The following DPYD variants were observed in gnomAD, a reference collection of about 807,000 sequenced individuals.
The protein encoded by DPYD is dihydropyrimidine dehydrogenase, also known as dihydropyrimidine dehydrogenase [NADP(+)].
A neutral mutation model predicts 116.2 loss-of-function variants in DPYD; 109 were observed. That is an observed-to-expected ratio of 0.94 (90% CI 0.80 to 1.10). The LOEUF (loss-of-function observed/expected upper bound fraction) is 1.10, where lower values mean the gene tolerates loss of function less well. Among genes scored for constraint, DPYD ranks in the 50% least tolerant of loss-of-function variants. The pLI, the probability that DPYD is intolerant of heterozygous loss-of-function variation, is 0.00. For synonymous variants in DPYD, 440 were observed against 432.0 expected (o/e 1.02, Z -0.23); for missense variants, 1,302 against 1,254.5 (o/e 1.04, Z -0.57).
At chr1:97,506,204 G>A (rs1293339445) in intron 13 of DPYD, among the ~76,000 whole-genome samples, 5 of 151,908 alleles carry the variant, frequency 3.3e-5, no homozygotes, top group Non-Finnish European at 7.4e-5. Flanking sequence ...AAATCTGACA[G>A]TAAGGTAATC....
intron 8 of DPYD, among the ~76,000 whole-genome samples, chr1:97,603,600 T>C (rs954315952): frequency 1.3e-5 from 2 of 152,068 alleles, no homozygotes; most frequent in Non-Finnish European, 2.9e-5. Context: ...AAATGTAATA[T>C]CAAAAGTATT....
intron 8 of DPYD, among the ~76,000 whole-genome samples, chr1:97,598,945 T>C (rs1655066692): frequency 6.6e-6 from 1 of 152,164 alleles, no homozygotes; most frequent in Non-Finnish European, 1.5e-5. Context: ...CTTTTTCATG[T>C]TTAAGGTTAT....
intron 20 of DPYD, among the ~76,000 whole-genome samples, chr1:97,124,097 G>A (rs1652654980): frequency 6.6e-6 from 1 of 152,112 alleles, no homozygotes; most frequent in African/African-American, 2.4e-5. Context: ...TTGCGTGAAA[G>A]TCACTGATTA....
intron 18 of DPYD, among the ~76,000 whole-genome samples, chr1:97,295,098 A>G (rs1054458061): frequency 2.6e-5 from 4 of 152,178 alleles, no homozygotes; most frequent in African/African-American, 9.6e-5. Context: ...AACCCAGACT[A>G]TGACATATCC....
intron 3 of DPYD, among the ~76,000 whole-genome samples, chr1:97,753,822 T>TA (rs1178482362): frequency 6.6e-6 from 1 of 151,892 alleles, no homozygotes; most frequent in Non-Finnish European, 1.5e-5. Flanking sequence ...ATAGATACAA[T>TA]AAAAATATAT....
At chr1:97,338,706 G>A (rs1052860774) in intron 16 of DPYD, among the ~76,000 whole-genome samples, 4 of 152,140 alleles carry the variant, frequency 2.6e-5, no homozygotes, top group African/African-American at 9.7e-5. Context: ...CCAGTGAAGA[G>A]GTTCTGGTAT....
intron 8 of DPYD, among the ~76,000 whole-genome samples, chr1:97,654,256 T>G (rs1658764640): frequency 6.6e-6 from 1 of 152,188 alleles, no homozygotes; most frequent in South Asian, 2.1e-4. Context: ...AAATTAACCC[T>G]GAGATTTTTT....
intron 12 of DPYD, chr1:97,546,304 CCA>C (rs1305737452): frequency 4.9e-6 from 7 of 1,432,252 alleles, no homozygotes; most frequent in African/African-American, 1.4e-5. Context: ...TGTGCTATTA[CCA>C]CAGTCAAAGC....
Position 97,105,433 on chromosome 1 carries a change from G to A in DPYD, c.2623-6801C>T, listed in dbSNP as rs374169595. Among the ~76,000 whole-genome samples, 16 of 152,140 alleles carry A rather than the reference G, an allele frequency of 1.1e-4. 1 individual carries two copies. In the South Asian group the frequency reaches 1.9e-3, roughly 18 times the overall value. ...GCTCCAATCTAAATCCTCCTCCATA[G>A]TCTTTATCTAAGAACATCTGCTACA... On this transcript the variant is annotated intron_variant, in intron 20 of 22. Coordinates refer to ENST00000370192, the MANE Select transcript of DPYD (RefSeq NM_000110.4).
intron 2 of DPYD, among the ~76,000 whole-genome samples, chr1:97,840,727 G>C (rs1669996887): frequency 2.0e-5 from 3 of 152,026 alleles, no homozygotes; most frequent in African/African-American, 7.2e-5. Context: ...GGATTTCACT[G>C]CATCTAGGCC....
At chr1:97,129,073 T>C (rs867584268) in intron 20 of DPYD, among the ~76,000 whole-genome samples, 1 of 145,022 alleles carries the variant, frequency 6.9e-6, no homozygotes, top group South Asian at 2.2e-4. Flanking sequence ...TGTATTCTTT[T>C]TTTTTTTTTT....
intron 3 of DPYD, 137 bp from the exon 4 acceptor site, chr1:97,740,616 GC>G: frequency 1.3e-6 from 1 of 749,088 alleles, no homozygotes; most frequent in South Asian, 1.6e-5. Context: ...ACATTTTTAA[GC>G]AATAAATACA....
chr1:97,881,267 C>T (rs1672204922), intron 2 of DPYD, among the ~76,000 whole-genome samples: 1 of 151,928 alleles, frequency 6.6e-6, no homozygotes, highest in Non-Finnish European at 1.5e-5. Context: ...TATTTGGACA[C>T]ACGCACACCC....
chr1:97,483,956 T>C (rs945335299), intron 13 of DPYD, among the ~76,000 whole-genome samples: 1 of 152,196 alleles, frequency 6.6e-6, no homozygotes, highest in African/African-American at 2.4e-5. Flanking sequence ...ACAAAGTGAA[T>C]GAACTAAGAC....
intron 7 of DPYD, among the ~76,000 whole-genome samples, chr1:97,682,963 G>C (rs896748920): frequency 6.6e-6 from 1 of 151,950 alleles, no homozygotes; most frequent in Non-Finnish European, 1.5e-5. Context: ...TAGTCTCTTA[G>C]GGATTTGATG....
At chr1:97,668,956 T>C (rs1003742505) in intron 8 of DPYD, among the ~76,000 whole-genome samples, 9 of 152,166 alleles carry the variant, frequency 5.9e-5, no homozygotes, top group Admixed American at 3.9e-4. Context: ...AATATAATCT[T>C]TGACTGATTA....
intron 1 of DPYD, among the ~76,000 whole-genome samples, chr1:97,891,043 C>T (rs1224120465): frequency 2.0e-5 from 3 of 151,842 alleles, no homozygotes; most frequent in African/African-American, 7.2e-5. Flanking sequence ...AAGGATTTGG[C>T]TTAATAATAT....
rs1661467490 is a variant in DPYD, at chr1:97,699,371, T to C, written c.660A>G (p.Gln220=). Residue 220 remains glutamine (Q), a synonymous_variant, in exon 6 of 23, where the codon CAA becomes CAG. Transcript: ENST00000370192. ...GYSDITIFEK[Q]EYVGGLSTSE... The stretch of plus-strand genomic sequence containing the variant: ...ATTACCTTAAACCACCAACATATTC[T>C]TGTTTTTCAAATATAGTGATGTCAG... The C allele has an allele frequency of 6.2e-7, 1 of 1,613,520 alleles. No individual in the cohort carries two copies. Among genetic ancestry groups the C allele is most frequent in the Non-Finnish European group, 8.5e-7 (1 of 1,179,630 alleles).
chr1:97,765,678 C>A (rs1665810287), intron 3 of DPYD, among the ~76,000 whole-genome samples: 1 of 152,274 alleles, frequency 6.6e-6, no homozygotes, highest in Admixed American at 6.5e-5. Flanking sequence ...GACTTGTGAG[C>A]AGTAATACAT....
Sources: gnomAD v4.1 joint callset for allele counts (sites outside exome capture counted in the v4.1 genomes callset) on GRCh38, gnomAD v4.1.1 for gene constraint, MANE v1.5 for transcripts, NCBI Gene and HGNC (gene_info 2026-07-23, HGNC 2026-07-21) for gene names.